Variants in PPIP5K2 observed in about 807,000 individuals in gnomAD.
PPIP5K2 encodes diphosphoinositol pentakisphosphate kinase 2, also known as inositol hexakisphosphate and diphosphoinositol-pentakisphosphate kinase 2.
PPIP5K2 carries 105 observed loss-of-function variants against 154.6 expected under a neutral mutation model. The ratio of observed to expected loss-of-function variants is 0.68; its 90% confidence interval spans 0.58 to 0.80. The LOEUF is 0.80. Among genes scored for constraint, PPIP5K2 ranks in the 30% least tolerant of loss-of-function variants. PPIP5K2 has a pLI of 0.00. For missense variants in PPIP5K2, 992 were observed against 1,504.6 expected (o/e 0.66, Z 5.64); for synonymous variants, 480 against 490.3 (o/e 0.98, Z 0.28).
intron 17 of PPIP5K2, among the ~76,000 whole-genome samples, chr5:103,162,481 G>A (rs1184141733): frequency 6.6e-6 from 1 of 151,626 alleles, no homozygotes; most frequent in Non-Finnish European, 1.5e-5. Flanking sequence ...TCCTGCCTCA[G>A]CCTCCTGAGT....
chr5:103,174,172 A>G, intron 21 of PPIP5K2, 200 bp downstream of exon 21: 1 of 446,158 alleles, frequency 2.2e-6, no homozygotes, highest in South Asian at 3.6e-5. Flanking sequence ...AGATACATTT[A>G]AGCAAACAAT....
rs557184020 is a variant in PPIP5K2, at chr5:103,124,940, A to G, written c.-284-4366A>G. Reference sequence around the variant, plus strand: ...GTTGTGGAGGGATATACATAACCCAAGCTGTTAAATAACAAGGTTATATGT... The same window carrying G: ...GTTGTGGAGGGATATACATAACCCAGGCTGTTAAATAACAAGGTTATATGT... On this transcript the variant is annotated intron_variant, in intron 1 of 30. Transcript: ENST00000358359. 1.6e-3 allele frequency among the ~76,000 whole-genome samples: 246 copies of G among 152,282 alleles called. 1 individual carries two copies. Among genetic ancestry groups the G allele is most frequent in the African/African-American group, 5.0e-3 (208 of 41,552 alleles).
intron 17 of PPIP5K2, 144 bp from the exon 18 acceptor site, chr5:103,167,035 T>A (rs1797235176): frequency 3.6e-6 from 2 of 560,118 alleles, no homozygotes; most frequent in Non-Finnish European, 5.8e-6. Flanking sequence ...CCTGTGGTGT[T>A]CAAGGGTCAA....
In PPIP5K2 at chr5:103,201,650, T is replaced by C. The variant is rs1182444648; in HGVS notation, c.*16T>C. ...AAAGAAATGAAATCTTAGCAGAAGC[T>C]GGAACTTTTTATACTTATAAAAATA... On this transcript the variant is annotated 3_prime_UTR_variant, in exon 31 of 31. Transcript: ENST00000358359. 3.3e-6 allele frequency: 5 copies of C among 1,516,798 alleles called. No individual in the cohort carries two copies. Among genetic ancestry groups the C allele is most frequent in the African/African-American group, 1.4e-5 (1 of 71,966 alleles). The allele number at this position is 1,516,798 out of a possible 1,614,324, so 94.0% of individuals were successfully genotyped here. A position where few individuals can be genotyped will look rare whatever the true frequency, so the allele number is the denominator to read the frequency against.
intron 4 of PPIP5K2, among the ~76,000 whole-genome samples, chr5:103,137,931 T>G (rs1262632234): frequency 6.6e-6 from 1 of 152,128 alleles, no homozygotes; most frequent in Non-Finnish European, 1.5e-5. Flanking sequence ...TCTATCATAT[T>G]TTTTTCCTAT....
At chr5:103,137,914 C>T (rs932924181) in intron 4 of PPIP5K2, among the ~76,000 whole-genome samples, 1 of 150,920 alleles carries the variant, frequency 6.6e-6, no homozygotes, top group Non-Finnish European at 1.5e-5. Context: ...ATTTAATCGT[C>T]ACTGTATCTA....
chr5:103,124,296 C>T (rs939188889), intron 1 of PPIP5K2, among the ~76,000 whole-genome samples: 129 of 139,062 alleles, frequency 9.3e-4, no homozygotes, highest in African/African-American at 3.4e-3. Flanking sequence ...AAAAAAAAAT[C>T]TCCTCTTGTA....
intron 19 of PPIP5K2, 151 bp downstream of exon 19, chr5:103,168,446 G>T: frequency 4.8e-6 from 3 of 623,688 alleles, no homozygotes; most frequent in Admixed American, 3.2e-5. Flanking sequence ...TATATTTTAA[G>T]GTTTTTATGG....
In PPIP5K2 at chr5:103,167,290, A is replaced by G; in HGVS notation, c.2032A>G (p.Arg678Gly). The G allele has an allele frequency of 1.9e-6, 3 of 1,590,190 alleles. No individual in the cohort carries two copies. The highest frequency in any genetic ancestry group is 2.6e-6 in the Non-Finnish European group (3 of 1,168,950). Residue 678 changes from arginine (R) to glycine (G), a missense_variant, in exon 18 of 31, where the codon AGA (arginine) becomes GGA (glycine). Transcript: ENST00000358359. ...AATTCAGAGTTTGACTTCTCAAATCAGACATCGAATGGAAGATCCTAAATC... is the reference window on the plus strand; with the variant it reads ...AATTCAGAGTTTGACTTCTCAAATCGGACATCGAATGGAAGATCCTAAATC... The part of the protein sequence containing the change: ...SLIQSLTSQI[R>G]HRMEDPKSSD...
intron 1 of PPIP5K2, among the ~76,000 whole-genome samples, chr5:103,121,573 T>A (rs1231509572): frequency 6.6e-6 from 1 of 152,246 alleles, no homozygotes; most frequent in African/African-American, 2.4e-5. Context: ...AAGTATCCAT[T>A]CATTTAAAAA....
rs1554198517 is a variant in PPIP5K2 at position 103,120,386 on chromosome 5, GACAA to G, written c.-383_-380del. 1 of 456,548 alleles carries G rather than the reference GACAA, an allele frequency of 2.2e-6. No individual in the cohort carries two copies. Among genetic ancestry groups the G allele is most frequent in the Non-Finnish European group, 4.4e-6 (1 of 226,858 alleles). 28.3% of individuals were successfully genotyped at this position (456,548 alleles called of 1,614,324 possible). On this transcript the variant is annotated 5_prime_UTR_variant, in exon 1 of 31. Coordinates refer to ENST00000358359, the MANE Select transcript of PPIP5K2 (RefSeq NM_001276277.3). ...TCCACGCCTACAACTGAAGTCTCTTGACAAACACCTCACCCCTGCCTCCGGGATG... is the reference window on the plus strand; with the variant it reads ...TCCACGCCTACAACTGAAGTCTCTTGACACCTCACCCCTGCCTCCGGGATG...
chr5:103,190,931 G>A lies in PPIP5K2; in HGVS notation c.3442G>A (p.Ala1148Thr). ...LSLKQVDEFL[A>T]SIASPSSDVP... ...TTTAAAGCAAGTGGATGAATTTCTT[G>A]CTTCCATTGCTTCTCCATCATCTGA... Residue 1148 changes from alanine (A) to threonine (T), a missense_variant, in exon 29 of 31, where the codon GCT (alanine) becomes ACT (threonine). By Grantham distance (58) the Ala-to-Thr change is moderately conservative. This residue lies in a region of PPIP5K2 where 131 missense variants were observed against 117.8 expected (regional missense o/e 1.11). Coordinates refer to ENST00000358359, the MANE Select transcript of PPIP5K2 (RefSeq NM_001276277.3). The A allele has an allele frequency of 1.2e-6, 2 of 1,610,010 alleles. No individual in the cohort carries two copies. Among genetic ancestry groups the A allele is most frequent in the Non-Finnish European group, 1.7e-6 (2 of 1,177,824 alleles).
Position 103,138,439 on chromosome 5 carries a change from A to G in PPIP5K2, c.457A>G (p.Ile153Val). Reference sequence around the variant, plus strand: ...AGGTATTTTACTTCCTCGTTATGCTATTTTGAACCGTGACCCAAATAATCC... The same window carrying G: ...AGGTATTTTACTTCCTCGTTATGCTGTTTTGAACCGTGACCCAAATAATCC... ...AEGILLPRYAILNRDPNNPKE... is the reference protein window; with the variant it reads ...AEGILLPRYAVLNRDPNNPKE... The change falls in exon 5 of 31, where the codon ATT becomes GTT. Residue 153 changes from isoleucine (I) to valine (V), a missense_variant. Around this residue, in one of 9 missense-constraint regions of PPIP5K2, gnomAD observed 153 missense variants for 200.4 expected, o/e 0.76. Transcript: ENST00000358359. The G allele has an allele frequency of 1.2e-6, 2 of 1,607,172 alleles. No individual in the cohort carries two copies. The highest frequency in any genetic ancestry group is 1.7e-6 in the Non-Finnish European group (2 of 1,174,764).
In PPIP5K2 at chr5:103,167,213, C is replaced by A; in HGVS notation, c.1955C>A (p.Ser652Ter). The change falls in exon 18 of 31, where the codon TCA (serine) becomes TAA (stop). Residue 652 changes from serine to a stop codon, truncating the protein, a stop_gained. Coordinates refer to ENST00000358359, the MANE Select transcript of PPIP5K2 (RefSeq NM_001276277.3). LOFTEE classifies it high-confidence loss of function. ...TPSGSISLIK[S>*]MHLIKNPVKT... ...TCTGGAAGCATTTCTCTTATCAAAT[C>A]AATGCATTTAATTAAAAACCCTGTG... The A allele has an allele frequency of 6.3e-7, 1 of 1,587,154 alleles. No individual in the cohort carries two copies. Among genetic ancestry groups the A allele is most frequent in the Non-Finnish European group, 8.6e-7 (1 of 1,165,358 alleles).
Position 103,159,239 on chromosome 5 carries a change from T to C in PPIP5K2, c.1831T>C (p.Ser611Pro). ...CGGTCTTTTGGATAGTGATAGTGAC[T>C]CTCTGAGCAGTTGTCAGCAACGTGT... ...MNGLLDSDSDSLSSCQQRVKA... is the reference protein window; with the variant it reads ...MNGLLDSDSDPLSSCQQRVKA... Residue 611 changes from serine (S) to proline (P), a missense_variant, in exon 17 of 31, where the codon TCT becomes CCT. By Grantham distance (74) the Ser-to-Pro change is moderately conservative (BLOSUM62 -1). Around this residue, in one of 9 missense-constraint regions of PPIP5K2, gnomAD observed 82 missense variants for 91.8 expected, o/e 0.89. Transcript: ENST00000358359. 6.2e-7 allele frequency: 1 copy of C among 1,613,102 alleles called. No homozygotes were observed. The highest frequency in any genetic ancestry group is 8.5e-7 in the Non-Finnish European group (1 of 1,179,214).
chr5:103,164,476 T>C (rs1796831387), intron 17 of PPIP5K2, among the ~76,000 whole-genome samples: 1 of 152,076 alleles, frequency 6.6e-6, no homozygotes, highest in South Asian at 2.1e-4. Flanking sequence ...TGTTCTGTCT[T>C]TTACAAAATG....
chr5:103,169,824 GT>G (rs1181348022), intron 19 of PPIP5K2, among the ~76,000 whole-genome samples: 1 of 151,586 alleles, frequency 6.6e-6, no homozygotes, highest in Non-Finnish European at 1.5e-5. Context: ...TAATAAAAAT[GT>G]TTTGGTTTTG....
chr5:103,167,116 A>T, intron 17 of PPIP5K2, 63 bp from the exon 18 acceptor site: 1 of 1,275,200 alleles, frequency 7.8e-7, no homozygotes, highest in Non-Finnish European at 1.0e-6. Flanking sequence ...TTGTATATAT[A>T]TATTGTTCTC....
At chr5:103,152,069 G>A (rs1398909648) in intron 9 of PPIP5K2, among the ~76,000 whole-genome samples, 2 of 151,920 alleles carry the variant, frequency 1.3e-5, no homozygotes, top group African/African-American at 4.8e-5. Context: ...AAGTGTTTTG[G>A]ATTTCAGATT....
Sources: gnomAD v4.1 joint callset for allele counts (sites outside exome capture counted in the v4.1 genomes callset) on GRCh38, gnomAD v4.1.1 for gene constraint, gnomAD v4.1.1 regional missense constraint, MANE v1.5 for transcripts, NCBI Gene and HGNC (gene_info 2026-07-23, HGNC 2026-07-21) for gene names.